The following GSG1L variants were observed in gnomAD, a reference collection of about 807,000 sequenced individuals.
GSG1L encodes the protein GSG1 like.
GSG1L carries 24 observed loss-of-function variants against 42.1 expected under a neutral mutation model. The observed-to-expected ratio is 0.57, with a 90% CI of 0.41 to 0.80. The LOEUF (loss-of-function observed/expected upper bound fraction) is 0.80. Among genes scored for constraint, GSG1L ranks in the 30% least tolerant of loss-of-function variants. The pLI is 0.00. For synonymous variants in GSG1L, 215 were observed against 203.5 expected, an observed-to-expected ratio of 1.06 and a Z score of -0.48; for missense variants, 445 against 472.2, an observed-to-expected ratio of 0.94 and a Z score of 0.53.
intron 4 of GSG1L, among the ~76,000 whole-genome samples, chr16:27,838,787 G>A (rs959473439): frequency 1.3e-5 from 2 of 152,210 alleles, no homozygotes; most frequent in East Asian, 1.9e-4. Context: ...ATGGGACTAG[G>A]AGCTGGATAG....
intron 1 of GSG1L, among the ~76,000 whole-genome samples, chr16:28,039,630 C>T (rs760980227): frequency 9.2e-5 from 14 of 151,698 alleles, no homozygotes; most frequent in African/African-American, 2.7e-4. Context: ...CAGACATGTA[C>T]GTGCGTGCAC....
At chr16:27,911,730 T>G (rs541043750) in intron 2 of GSG1L, among the ~76,000 whole-genome samples, 2 of 152,242 alleles carry the variant, frequency 1.3e-5, no homozygotes, top group South Asian at 4.1e-4. Flanking sequence ...TGATCTTTGC[T>G]CAAATGTCAC....
At position 27,801,765 on chromosome 16, in the gene GSG1L, C is replaced by T. The variant is rs189722328; in HGVS notation, c.898+5722G>A. The stretch of plus-strand genomic sequence containing the variant: ...CAGGGTGTGGGTGATGAGGTCAGAC[C>T]GGCCGGGTTCAAATCCCAGCTTTGC... On this transcript the variant is annotated intron_variant, in intron 6 of 6. Transcript: ENST00000447459. Among the ~76,000 whole-genome samples, 8 of 152,236 alleles carry T rather than the reference C, an allele frequency of 5.3e-5. 1 individual carries two copies. The highest frequency in any genetic ancestry group is 1.7e-4 in the African/African-American group (7 of 41,540).
chr16:27,971,152 T>C (rs1319922186), intron 1 of GSG1L, among the ~76,000 whole-genome samples: 1 of 152,220 alleles, frequency 6.6e-6, no homozygotes. Flanking sequence ...ATATGAATTT[T>C]AGGATCAATG....
At chr16:27,901,830 C>T (rs948350394) in intron 2 of GSG1L, among the ~76,000 whole-genome samples, 8 of 152,226 alleles carry the variant, frequency 5.3e-5, no homozygotes, top group African/African-American at 1.7e-4. Context: ...CCACTGCCTA[C>T]CCTTTGTCAT....
chr16:27,988,945 C>T (rs1253458505), intron 1 of GSG1L, among the ~76,000 whole-genome samples: 1 of 149,792 alleles, frequency 6.7e-6, no homozygotes, highest in Admixed American at 6.7e-5. Context: ...CCCTGCTCCT[C>T]GGGAGGCTGA....
intron 2 of GSG1L, among the ~76,000 whole-genome samples, chr16:27,895,850 G>A (rs921352499): frequency 6.6e-6 from 1 of 152,196 alleles, no homozygotes; most frequent in African/African-American, 2.4e-5. Flanking sequence ...CAAAAAGGTA[G>A]GGCAACAGAG....
chr16:27,851,291 G>A (rs1464051232), intron 3 of GSG1L, among the ~76,000 whole-genome samples: 1 of 152,062 alleles, frequency 6.6e-6, no homozygotes, highest in East Asian at 1.9e-4. Context: ...CAATGTGCTG[G>A]GCTCAAATGA....
At chr16:27,955,560 A>G (rs2084993184) in intron 2 of GSG1L, among the ~76,000 whole-genome samples, 1 of 152,194 alleles carries the variant, frequency 6.6e-6, no homozygotes, top group South Asian at 2.1e-4. Flanking sequence ...ATCCTTCCCA[A>G]ATTTTGTGGG....
At chr16:27,974,903 T>C (rs1181847164) in intron 1 of GSG1L, among the ~76,000 whole-genome samples, 1 of 151,874 alleles carries the variant, frequency 6.6e-6, no homozygotes, top group Non-Finnish European at 1.5e-5. Context: ...GAAGAAATTA[T>C]GTATAGGGGT....
At chr16:28,024,079 G>C (rs1180916781) in intron 1 of GSG1L, among the ~76,000 whole-genome samples, 1 of 152,124 alleles carries the variant, frequency 6.6e-6, no homozygotes, top group African/African-American at 2.4e-5. Context: ...AAGAGGACTT[G>C]AATTCTGAAC....
rs145419439 is a variant in GSG1L at position 27,865,098 on chromosome 16, C to T, written c.550+19388G>A. On this transcript the variant is annotated intron_variant, in intron 3 of 6. Coordinates refer to ENST00000447459, the MANE Select transcript of GSG1L (RefSeq NM_001109763.2). Reference sequence around the variant, plus strand: ...TGAGACCAAGATGGCGCCAGTCCCACGCATTCTTCTGTGAGCCAGTCCAAC... The same window carrying T: ...TGAGACCAAGATGGCGCCAGTCCCATGCATTCTTCTGTGAGCCAGTCCAAC... Among the ~76,000 whole-genome samples the T allele has an allele frequency of 3.9e-3, 596 of 152,194 alleles. 3 individuals carry two copies. Among genetic ancestry groups the T allele is most frequent in the African/African-American group, 0.014 (575 of 41,500 alleles).
At chr16:27,940,200 A>G (rs977757559) in intron 2 of GSG1L, among the ~76,000 whole-genome samples, 1 of 152,096 alleles carries the variant, frequency 6.6e-6, no homozygotes, top group African/African-American at 2.4e-5. Flanking sequence ...AAGTCAGGAA[A>G]CAACAGGTTC....
intron 6 of GSG1L, among the ~76,000 whole-genome samples, chr16:27,801,490 G>A (rs755521192): frequency 6.6e-6 from 1 of 152,192 alleles, no homozygotes; most frequent in African/African-American, 2.4e-5. Context: ...CCCATCGCAG[G>A]ATCTGAGCAG....
intron 2 of GSG1L, among the ~76,000 whole-genome samples, chr16:27,907,302 G>T (rs140410953): frequency 1.6e-4 from 24 of 152,320 alleles, no homozygotes; most frequent in Non-Finnish European, 3.1e-4. Context: ...GGAGCGCCTG[G>T]ATCCAGCTGT....
chr16:27,982,983 G>A (rs2085340981), intron 1 of GSG1L, among the ~76,000 whole-genome samples: 1 of 152,066 alleles, frequency 6.6e-6, no homozygotes, highest in Non-Finnish European at 1.5e-5. Flanking sequence ...ACTATGTAGA[G>A]TAGAACTGCC....
intron 2 of GSG1L, among the ~76,000 whole-genome samples, chr16:27,890,623 T>C (rs1199335480): frequency 6.6e-6 from 1 of 152,202 alleles, no homozygotes; most frequent in Non-Finnish European, 1.5e-5. Context: ...ACTGGTGCCA[T>C]GTTCCTAGCT....
At chr16:27,992,711 C>T (rs771330340) in intron 1 of GSG1L, among the ~76,000 whole-genome samples, 5 of 152,196 alleles carry the variant, frequency 3.3e-5, no homozygotes, top group Admixed American at 1.3e-4. Context: ...CCTCTTCTGT[C>T]CTCCCTTGAC....
intron 1 of GSG1L, among the ~76,000 whole-genome samples, chr16:27,980,488 G>A (rs1048723536): frequency 1.3e-5 from 2 of 152,120 alleles, no homozygotes; most frequent in East Asian, 1.9e-4. Context: ...TGCTTTATGC[G>A]CCTACCAACG....
Sources: allele counts gnomAD v4.1 joint callset (sites outside exome capture counted in the v4.1 genomes callset), GRCh38; gene constraint gnomAD v4.1.1; transcripts MANE v1.5; gene names NCBI Gene and HGNC (gene_info 2026-07-23, HGNC 2026-07-21).